The following RP1 variants were observed in gnomAD, a reference collection of about 807,000 sequenced individuals.
The protein encoded by RP1 is oxygen-regulated protein 1.
RP1 carries 16 observed loss-of-function variants against 14.8 expected under a neutral mutation model. That is an observed-to-expected ratio of 1.08 (90% confidence interval 0.73 to 1.65). The LOEUF is 1.65. RP1 is among the 40% of genes most tolerant of loss of function. The probability of loss-of-function intolerance (pLI) is 0.00; values close to 1 mark genes in which losing one functional copy is unlikely to be tolerated. For synonymous variants in RP1, 876 were observed against 883.6 expected (o/e 0.99, Z 0.15); for missense variants, 2,631 against 2,535.0 (o/e 1.04, Z -0.81).
At chr8:54,601,076 T>G (rs1250811518) in intron 1 of RP1, among the ~76,000 whole-genome samples, 1 of 152,196 alleles carries the variant, frequency 6.6e-6, no homozygotes, top group African/African-American at 2.4e-5. Context: ...TCTCTGCAAC[T>G]AATCTGACCA....
chr8:54,719,040 T>C (rs1808473698), intron 15 of RP1, among the ~76,000 whole-genome samples: 1 of 152,224 alleles, frequency 6.6e-6, no homozygotes, highest in African/African-American at 2.4e-5. Flanking sequence ...AGATGGTCTA[T>C]GGTAAGGCCC....
chr8:54,783,574 C>A, exon 24 of RP1: 1 of 1,231,644 alleles, frequency 8.1e-7, no homozygotes, highest in Non-Finnish European at 1.0e-6. Context: ...ACCATTGTCA[C>A]TGGGGATCTT....
chr8:54,702,981 C>A (rs1808061361), intron 14 of RP1, among the ~76,000 whole-genome samples: 1 of 152,226 alleles, frequency 6.6e-6, no homozygotes, highest in Admixed American at 6.6e-5. Context: ...ACTTCTCATT[C>A]TAGCTCCTTT....
intron 6 of RP1, among the ~76,000 whole-genome samples, chr8:54,656,689 G>A (rs149707796): frequency 6.6e-6 from 1 of 150,674 alleles, no homozygotes. Context: ...GCTGATAATA[G>A]GCTCTTGTTC....
chr8:54,687,826 A>C (rs1307922159), intron 12 of RP1, among the ~76,000 whole-genome samples: 1 of 152,214 alleles, frequency 6.6e-6, no homozygotes, highest in Admixed American at 6.5e-5. Context: ...GTATATGCCC[A>C]GGAATGGGAT....
intron 24 of RP1, among the ~76,000 whole-genome samples, chr8:54,789,527 C>T (rs1585693765): frequency 6.6e-6 from 1 of 152,294 alleles, no homozygotes; most frequent in South Asian, 2.1e-4. Flanking sequence ...TGGGGCAAAC[C>T]TGTGTCCCTG....
chr8:54,840,825 G>T (rs1173913181), intron 25 of RP1, among the ~76,000 whole-genome samples: 1 of 152,058 alleles, frequency 6.6e-6, no homozygotes, highest in African/African-American at 2.4e-5. Flanking sequence ...CTTAGCTGAA[G>T]CACACTAACC....
chr8:54,647,871 G>A (rs754094361), intron 3 of RP1, among the ~76,000 whole-genome samples: 2 of 151,926 alleles, frequency 1.3e-5, no homozygotes, highest in Non-Finnish European at 2.9e-5. Context: ...TTTTCTTATA[G>A]ATCAGCTTTC....
intron 3 of RP1, among the ~76,000 whole-genome samples, chr8:54,646,496 C>A (rs1806552831): frequency 6.6e-6 from 1 of 152,152 alleles, no homozygotes; most frequent in Non-Finnish European, 1.5e-5. Context: ...TCATCTACTC[C>A]TCCCTAGACA....
At chr8:54,689,883 T>C (rs922839278) in intron 12 of RP1, among the ~76,000 whole-genome samples, 3 of 152,006 alleles carry the variant, frequency 2.0e-5, no homozygotes, top group African/African-American at 7.2e-5. Context: ...ACTTTTTAAG[T>C]TTCCAGTTCC....
In RP1 at chr8:54,627,378, A is replaced by G. The variant is rs1465033078; in HGVS notation, c.3496A>G (p.Ile1166Val). The G allele has an allele frequency of 6.2e-7, 1 of 1,614,170 alleles. No homozygotes were observed. The highest frequency in any genetic ancestry group is 8.5e-7 in the Non-Finnish European group (1 of 1,179,982). ...TTCAGAAACACTTGCATTGTTGGAGATTCTAAAGCACATAGCTATCACAGA... is the reference window on the plus strand; with the variant it reads ...TTCAGAAACACTTGCATTGTTGGAGGTTCTAAAGCACATAGCTATCACAGA... The part of the protein sequence containing the change: ...KSSETLALLE[I>V]LKHIAITEEA... The change falls in exon 4 of 4, where the codon ATT becomes GTT. Residue 1166 changes from isoleucine (I) to valine (V), a missense_variant. Ile to Val is a conservative substitution (Grantham distance 29). Coordinates refer to ENST00000220676, the MANE Select transcript of RP1 (RefSeq NM_006269.2).
At chr8:54,853,746 A>AAGAGAGAG (rs1360590979) in intron 26 of RP1, among the ~76,000 whole-genome samples, 1 of 150,494 alleles carries the variant, frequency 6.6e-6, no homozygotes, top group African/African-American at 2.5e-5. Context: ...GAGAGAAAGA[A>AAGAGAGAG]AGAAAGAGAG....
intron 24 of RP1, among the ~76,000 whole-genome samples, chr8:54,800,718 A>G (rs1013052176): frequency 6.6e-6 from 1 of 152,100 alleles, no homozygotes; most frequent in African/African-American, 2.4e-5. Context: ...ACAGCTTCCA[A>G]TTGTTTTACT....
intron 23 of RP1, among the ~76,000 whole-genome samples, chr8:54,783,354 A>C (rs1157517750): frequency 6.6e-6 from 1 of 152,230 alleles, no homozygotes; most frequent in African/African-American, 2.4e-5. Context: ...TTTGTAGTTA[A>C]GCTACAATAT....
chr8:54,661,439 A>T (rs964629368), intron 6 of RP1, among the ~76,000 whole-genome samples: 19 of 151,468 alleles, frequency 1.3e-4, no homozygotes, highest in African/African-American at 4.6e-4. Flanking sequence ...TGATTGTTCC[A>T]CTGCATTCCA....
chr8:54,672,836 G>A (rs1807207807), intron 7 of RP1, among the ~76,000 whole-genome samples: 1 of 152,048 alleles, frequency 6.6e-6, no homozygotes, highest in Non-Finnish European at 1.5e-5. Context: ...GAGTATGTCA[G>A]CATATTTTCA....
chr8:54,683,361 G>A (rs940619283), intron 12 of RP1, among the ~76,000 whole-genome samples: 5 of 152,028 alleles, frequency 3.3e-5, no homozygotes, highest in African/African-American at 4.8e-5. Flanking sequence ...TGATTTAATG[G>A]TAATGGCATT....
chr8:54,707,978 T>C (rs1808190393), intron 15 of RP1, among the ~76,000 whole-genome samples: 1 of 152,224 alleles, frequency 6.6e-6, no homozygotes, highest in African/African-American at 2.4e-5. Context: ...ACATTATTAC[T>C]ATGACTAGAC....
At chr8:54,631,540 ATTTTTTTT>A (rs140296238), downstream of RP1, among the ~76,000 whole-genome samples, 2 of 140,132 alleles carry the variant, frequency 1.4e-5, no homozygotes, top group South Asian at 4.5e-4. Context: ...CTTCCCCTGC[ATTTTTTTT>A]TTTTTTAAGT....
Sources: gnomAD v4.1 joint callset for allele counts (sites outside exome capture counted in the v4.1 genomes callset) on GRCh38, gnomAD v4.1.1 for gene constraint, MANE v1.5 for transcripts, NCBI Gene and HGNC (gene_info 2026-07-23, HGNC 2026-07-21) for gene names.